OR52E5: variants seen among roughly 807,000 people sequenced by gnomAD.
OR52E5 encodes the protein olfactory receptor 52E5.
rs959907751 is a variant in OR52E5, at chr11:5,895,683, A to G, written c.-176A>G. 9 of 152,240 alleles carry G rather than the reference A, an allele frequency of 5.9e-5. No homozygotes were observed. Among genetic ancestry groups the G allele is most frequent in the South Asian group, 2.1e-4 (1 of 4,832 alleles). The allele number at this position is 152,240 out of a possible 1,614,324, so 9.4% of individuals were successfully genotyped here. On this transcript the variant is annotated 5_prime_UTR_variant, in exon 2 of 3. Transcript: ENST00000610445. Reference sequence around the variant, plus strand: ...TGGTTGACCCCTGCGGAAGCATTACATTGGAGGAAACACAATAACTGAAAA... The same window carrying G: ...TGGTTGACCCCTGCGGAAGCATTACGTTGGAGGAAACACAATAACTGAAAA...
rs963036176 is a variant in OR52E5 at position 5,902,519 on chromosome 11, A to C, written c.*759A>C. 1 of 151,494 alleles carries C rather than the reference A, an allele frequency of 6.6e-6. No individual in the cohort carries two copies. The highest frequency in any genetic ancestry group is 1.5e-5 in the Non-Finnish European group (1 of 67,860). The allele number at this position is 151,494 out of a possible 1,614,324, so 9.4% of individuals were successfully genotyped here. ...ACCTCTCAGCTCTTACCTTCGTGAA[A>C]GAGACTTTCAGTCAGGAGACTATAA... On this transcript the variant is annotated 3_prime_UTR_variant, in exon 3 of 3. Coordinates refer to ENST00000610445, the MANE Select transcript of OR52E5 (RefSeq NM_001005166.5).
At chr11:5,898,671 T>C (rs192824100) in intron 2 of OR52E5, among the ~76,000 whole-genome samples, 1 of 152,296 alleles carries the variant, frequency 6.6e-6, no homozygotes, top group East Asian at 1.9e-4. Context: ...CTAGACAATT[T>C]CCCTAGCACA....
chr11:5,898,704 C>G (rs765420507), intron 2 of OR52E5, among the ~76,000 whole-genome samples: 1 of 152,122 alleles, frequency 6.6e-6, no homozygotes, highest in South Asian at 2.1e-4. Flanking sequence ...GATATCCTTA[C>G]CCAGTTGATT....
chr11:5,895,420 A>G (rs1005695798), intron 1 of OR52E5, among the ~76,000 whole-genome samples: 1 of 152,318 alleles, frequency 6.6e-6, no homozygotes, highest in Admixed American at 6.5e-5. Context: ...TCTTAATTCT[A>G]CCAAATTTAG....
rs115051883 is a variant in OR52E5 at position 5,900,983 on chromosome 11, C to T, written c.207C>T (p.Ala69=). The change falls in exon 3 of 3, where the codon GCC becomes GCT. Residue 69 remains alanine, a synonymous_variant. Coordinates refer to ENST00000610445, the MANE Select transcript of OR52E5 (RefSeq NM_001005166.5). Reference sequence around the variant, plus strand: ...TGTTTTACTTCCTAGCCATGTTGGCCGGCACTGATCTGGGCTTGTCTACAG... The same window carrying T: ...TGTTTTACTTCCTAGCCATGTTGGCTGGCACTGATCTGGGCTTGTCTACAG... The part of the protein sequence containing the change: ...QPMFYFLAML[A]GTDLGLSTAT... 1,006 of 401,948 alleles carry T rather than the reference C, an allele frequency of 2.5e-3. 5 individuals are homozygous for T. Among genetic ancestry groups the T allele is most frequent in the African/African-American group, 0.019 (936 of 48,796 alleles). 24.9% of individuals were successfully genotyped at this position (401,948 alleles called of 1,614,324 possible).
At chr11:5,898,917 T>C (rs548942590) in intron 2 of OR52E5, among the ~76,000 whole-genome samples, 203 of 152,326 alleles carry the variant, frequency 1.3e-3, no homozygotes, top group African/African-American at 4.7e-3. Flanking sequence ...GCTCTGTCTA[T>C]TTGGGCTCTT....
At chr11:5,898,745 G>A (rs551151341) in intron 2 of OR52E5, among the ~76,000 whole-genome samples, 44 of 152,218 alleles carry the variant, frequency 2.9e-4, no homozygotes, top group African/African-American at 9.9e-4. Flanking sequence ...AGATCAGTTC[G>A]TTGTAGGTGT....
intron 1 of OR52E5, among the ~76,000 whole-genome samples, chr11:5,893,555 T>C (rs540822921): frequency 6.6e-6 from 1 of 152,096 alleles, no homozygotes; most frequent in East Asian, 1.9e-4. Flanking sequence ...ATAAGTGTTT[T>C]AAAATTAAAA....
At chr11:5,896,056 A>G (rs1265157273) in intron 2 of OR52E5, among the ~76,000 whole-genome samples, 1 of 151,890 alleles carries the variant, frequency 6.6e-6, no homozygotes, top group African/African-American at 2.4e-5. Context: ...CTCAAAAAGA[A>G]GAAAGAAAAA....
At chr11:5,896,420 C>CAAAAAAAAAAAAAAAAA (rs11333518) in intron 2 of OR52E5, among the ~76,000 whole-genome samples, 1 of 104,616 alleles carries the variant, frequency 9.6e-6, no homozygotes, top group Non-Finnish European at 2.0e-5. Flanking sequence ...GACACTGTGT[C>CAAAAAAAAAAAAAAAAA]AAAAAAAAAA....
At chr11:5,894,585 G>A (rs1176019825) in intron 1 of OR52E5, among the ~76,000 whole-genome samples, 2 of 152,170 alleles carry the variant, frequency 1.3e-5, no homozygotes, top group Non-Finnish European at 2.9e-5. Flanking sequence ...AAGACATAGA[G>A]AAGAAAGCAT....
chr11:5,896,054 G>T (rs946874069), intron 2 of OR52E5, among the ~76,000 whole-genome samples: 6 of 151,016 alleles, frequency 4.0e-5, no homozygotes, highest in Admixed American at 2.0e-4. Flanking sequence ...ATCTCAAAAA[G>T]AAGAAAGAAA....
At chr11:5,898,620 T>C (rs540637849) in intron 2 of OR52E5, among the ~76,000 whole-genome samples, 3 of 152,286 alleles carry the variant, frequency 2.0e-5, no homozygotes, top group Non-Finnish European at 4.4e-5. Context: ...ATTTTGTATA[T>C]GGTAAGAAGT....
chr11:5,894,489 A>G (rs1427465127), intron 1 of OR52E5, among the ~76,000 whole-genome samples: 3 of 152,170 alleles, frequency 2.0e-5, no homozygotes, highest in Non-Finnish European at 2.9e-5. Flanking sequence ...GGCTATGTAG[A>G]TTGTATGTTA....
intron 2 of OR52E5, among the ~76,000 whole-genome samples, chr11:5,896,576 C>A (rs1475756854): frequency 2.0e-5 from 3 of 151,868 alleles, no homozygotes; most frequent in Non-Finnish European, 4.4e-5. Flanking sequence ...GTGGTGAGTA[C>A]AATAAAAAGA....
chr11:5,898,281 A>T (rs1440028667), intron 2 of OR52E5, among the ~76,000 whole-genome samples: 1 of 151,982 alleles, frequency 6.6e-6, no homozygotes, highest in East Asian at 1.9e-4. Context: ...CCCACGTTTT[A>T]ATTGGGTTTT....
chr11:5,896,590 G>T (rs971869953), intron 2 of OR52E5, among the ~76,000 whole-genome samples: 1 of 151,902 alleles, frequency 6.6e-6, no homozygotes, highest in African/African-American at 2.4e-5. Context: ...AAAAAGAGAG[G>T]GTCTGGAGAA....
chr11:5,898,940 A>G (rs1483892152), intron 2 of OR52E5, among the ~76,000 whole-genome samples: 3 of 152,124 alleles, frequency 2.0e-5, no homozygotes, highest in African/African-American at 7.2e-5. Flanking sequence ...TTGGTTCCAT[A>G]TTAATTTTAG....
rs1847241065 is a variant in OR52E5, at chr11:5,900,922, T to A, written c.146T>A (p.Phe49Tyr). 1 of 401,320 alleles carries A rather than the reference T, an allele frequency of 2.5e-6. No individual in the cohort carries two copies. Among genetic ancestry groups the A allele is most frequent in the African/African-American group, 2.1e-5 (1 of 48,702 alleles). The allele number at this position is 401,320 out of a possible 1,614,324, so 24.9% of individuals were successfully genotyped here. A position where few individuals can be genotyped will look rare whatever the true frequency, so the allele number is the denominator to read the frequency against. The change falls in exon 3 of 3, where the codon TTT (phenylalanine) becomes TAT (tyrosine). Residue 49 changes from phenylalanine (F) to tyrosine (Y), a missense_variant. Transcript: ENST00000610445. ...TALLGNIIIL[F>Y]VIQTEQSLHQ... Reference sequence around the variant, plus strand: ...CTTCTAGGGAACATCATTATCCTGTTTGTGATACAGACTGAACAGAGCCTC... The same window carrying A: ...CTTCTAGGGAACATCATTATCCTGTATGTGATACAGACTGAACAGAGCCTC...
Sources: gnomAD v4.1 joint callset for allele counts (sites outside exome capture counted in the v4.1 genomes callset) on GRCh38, gnomAD v4.1.1 for gene constraint, MANE v1.5 for transcripts, NCBI Gene and HGNC (gene_info 2026-07-23, HGNC 2026-07-21) for gene names.